Variants in NIPAL1 observed in about 807,000 individuals in gnomAD.
NIPAL1 encodes magnesium transporter NIPA3.
A neutral mutation model predicts 37.7 loss-of-function variants in NIPAL1; 35 were observed. The ratio of observed to expected loss-of-function variants is 0.93; its 90% CI spans 0.71 to 1.23. The LOEUF (loss-of-function observed/expected upper bound fraction) is 1.23, where lower values mean the gene tolerates loss of function less well. Ranked by LOEUF, NIPAL1 falls within the 50% of genes most tolerant of loss-of-function variation. The pLI is 0.00. For missense variants in NIPAL1, 412 were observed against 473.9 expected (o/e 0.87, Z 1.21); for synonymous variants, 162 against 183.0 (o/e 0.89, Z 0.93).
Position 48,027,727 on chromosome 4 carries a change from A to G in NIPAL1, c.313+2393A>G, listed in dbSNP as rs541190305. Among the ~76,000 whole-genome samples the G allele has an allele frequency of 2.0e-5, 3 of 152,362 alleles. No homozygotes were observed. The South Asian group carries it at 6.2e-4, about 32-fold the overall frequency. On this transcript the variant is annotated intron_variant, in intron 2 of 5. Coordinates refer to ENST00000295461, the MANE Select transcript of NIPAL1 (RefSeq NM_207330.3). This position sits in a 1 kb window ranked among gnomAD's most constrained non-coding sequence, Gnocchi z 4.1. ...TAATGACAAAGTCACAGATTAGAGT[A>G]GTAGGAAGATAACCTTTTGAATACC...
At chr4:48,032,257 A>G (rs1715838796) in intron 3 of NIPAL1, among the ~76,000 whole-genome samples, 1 of 152,198 alleles carries the variant, frequency 6.6e-6, no homozygotes, top group South Asian at 2.1e-4. Flanking sequence ...GAAATACTAC[A>G]TTCTGTGGGC....
At chr4:48,029,056 C>T (rs1715760815) in intron 2 of NIPAL1, among the ~76,000 whole-genome samples, 1 of 152,076 alleles carries the variant, frequency 6.6e-6, no homozygotes. Flanking sequence ...TGCAGCAGTC[C>T]CACTACTGGG....
Position 48,030,158 on chromosome 4 carries a change from TG to T in NIPAL1, c.355del (p.Val119Ter). On this transcript the variant is annotated frameshift_variant, in exon 3 of 6. Coordinates refer to ENST00000295461, the MANE Select transcript of NIPAL1 (RefSeq NM_207330.3). LOFTEE classifies it high-confidence loss of function. ...GHSYLKEWLW[W>X]VGLLSMGAGE... Reference sequence around the variant, plus strand: ...TTCTTACCTGAAGGAATGGCTCTGGTGGGTAGGATTGCTGTCAAGTAAGTTT... The same window carrying T: ...TTCTTACCTGAAGGAATGGCTCTGGTGGTAGGATTGCTGTCAAGTAAGTTT... 6.2e-7 allele frequency: 1 copy of T among 1,600,066 alleles called. No individual in the cohort carries two copies. The highest frequency in any genetic ancestry group is 1.3e-5 in the African/African-American group (1 of 74,760).
At chr4:48,022,796 C>T (rs1715599690) in intron 1 of NIPAL1, among the ~76,000 whole-genome samples, 1 of 151,224 alleles carries the variant, frequency 6.6e-6, no homozygotes, top group South Asian at 2.1e-4. Flanking sequence ...TCAGCCTGGC[C>T]AACGTAGTGA....
intron 1 of NIPAL1, among the ~76,000 whole-genome samples, chr4:48,020,920 A>G (rs1251058594): frequency 1.3e-5 from 2 of 152,230 alleles, no homozygotes; most frequent in Non-Finnish European, 2.9e-5. Flanking sequence ...TTTCTATTCC[A>G]TGTAATAAAC....
intron 2 of NIPAL1, among the ~76,000 whole-genome samples, chr4:48,025,882 T>C (rs1233545627): frequency 6.6e-6 from 1 of 152,170 alleles, no homozygotes; most frequent in Non-Finnish European, 1.5e-5. Flanking sequence ...CTGGAATATG[T>C]CTGGTTCTGT....
chr4:48,035,151 G>A (rs1316195907), intron 5 of NIPAL1, 110 bp downstream of exon 5: 4 of 935,098 alleles, frequency 4.3e-6, no homozygotes, highest in African/African-American at 3.4e-5. Flanking sequence ...GGGCCGCATT[G>A]TGGGTTGTGA....
rs2109376454 is a variant in NIPAL1, at chr4:48,040,161, T to C, written c.*3989T>C. 1 of 152,376 alleles carries C rather than the reference T, an allele frequency of 6.6e-6. No individual in the cohort carries two copies. The highest frequency in any genetic ancestry group is 3.4e-3 in the Middle Eastern group (1 of 294). 9.4% of individuals were successfully genotyped at this position (152,376 alleles called of 1,614,324 possible). A position where few individuals can be genotyped will look rare whatever the true frequency, so the allele number is the denominator to read the frequency against. ...TATATTTTTCATTTGCAATAAAATG[T>C]TATTTAATTATGCTTTTGAGTTCAG... On this transcript the variant is annotated 3_prime_UTR_variant, in exon 6 of 6. Coordinates refer to ENST00000295461, the MANE Select transcript of NIPAL1 (RefSeq NM_207330.3).
chr4:48,028,678 A>C (rs1286222850), intron 2 of NIPAL1, among the ~76,000 whole-genome samples: 1 of 152,226 alleles, frequency 6.6e-6, no homozygotes, highest in Non-Finnish European at 1.5e-5. Context: ...AGCATCTGAC[A>C]AAGGTCTAAT....
chr4:48,021,870 C>T (rs1715576579), intron 1 of NIPAL1, among the ~76,000 whole-genome samples: 1 of 142,562 alleles, frequency 7.0e-6, no homozygotes, highest in Non-Finnish European at 1.5e-5. Flanking sequence ...CTTAAACTGG[C>T]TGGTTGATAC....
chr4:48,023,140 G>A (rs1343688595), intron 1 of NIPAL1, among the ~76,000 whole-genome samples: 4 of 151,784 alleles, frequency 2.6e-5, no homozygotes, highest in Non-Finnish European at 5.9e-5. Flanking sequence ...GAACTCCGGG[G>A]CTCAAGCAAA....
At chr4:48,018,942 G>A (rs1488166042) in intron 1 of NIPAL1, among the ~76,000 whole-genome samples, 2 of 152,182 alleles carry the variant, frequency 1.3e-5, no homozygotes, top group Admixed American at 1.3e-4. Context: ...AATGACAAGG[G>A]GTCAGTCATG....
intron 3 of NIPAL1, 51 bp from the exon 4 acceptor site, chr4:48,032,941 CT>C (rs886096353): frequency 2.2e-5 from 28 of 1,289,628 alleles, no homozygotes; most frequent in Non-Finnish European, 3.0e-5. Context: ...TTGTTTTTCT[CT>C]TCTGACAAGT....
In NIPAL1 at chr4:48,027,018, A is replaced by C. The variant is rs950387048; in HGVS notation, c.313+1684A>C. ...CAGGTGTGAGCCACTGCGCCTGGCC[A>C]AAAAATGAAATAATTTAAAAAAAAA... On this transcript the variant is annotated intron_variant, in intron 2 of 5. Coordinates refer to ENST00000295461, the MANE Select transcript of NIPAL1 (RefSeq NM_207330.3). This position sits in a 1 kb window ranked among gnomAD's most constrained non-coding sequence, Gnocchi z 4.1. Among the ~76,000 whole-genome samples the C allele has an allele frequency of 6.6e-6, 1 of 152,006 alleles. No individual in the cohort carries two copies. Among genetic ancestry groups the C allele is most frequent in the Admixed American group, 6.6e-5 (1 of 15,250 alleles).
At chr4:48,017,002 T>G in intron 1 of NIPAL1, 117 bp downstream of exon 1, 1 of 806,886 alleles carries the variant, frequency 1.2e-6, no homozygotes, top group East Asian at 2.8e-5. Context: ...CTAAACGTAG[T>G]CGTTCACTCA....
intron 3 of NIPAL1, among the ~76,000 whole-genome samples, chr4:48,031,088 G>T (rs2109370705): frequency 6.6e-6 from 1 of 151,710 alleles, no homozygotes; most frequent in African/African-American, 2.4e-5. Context: ...TTTTTGAGAT[G>T]GAGTCCTGCT....
In NIPAL1 at chr4:48,032,988, T is replaced by A; in HGVS notation, c.371-5T>A. ...TTTATATCAATATCTCTGCTTGCTT[T>A]CTAGTGGGAGCAGGAGAGGCTGCAA... On this transcript the variant is annotated splice_region_variant and splice_polypyrimidine_tract_variant and intron_variant, in intron 3 of 5. Coordinates refer to ENST00000295461, the MANE Select transcript of NIPAL1 (RefSeq NM_207330.3). 1 of 1,608,850 alleles carries A rather than the reference T, an allele frequency of 6.2e-7. No homozygotes were observed. Among genetic ancestry groups the A allele is most frequent in the Admixed American group, 1.7e-5 (1 of 59,872 alleles).
At chr4:48,034,424 C>A (rs890473658) in intron 4 of NIPAL1, among the ~76,000 whole-genome samples, 1 of 152,046 alleles carries the variant, frequency 6.6e-6, no homozygotes. Flanking sequence ...AGATTGGATA[C>A]CCCTGGTCCG....
rs1716009310 is a variant in NIPAL1, at chr4:48,038,648, A to T, written c.*2476A>T. On this transcript the variant is annotated 3_prime_UTR_variant, in exon 6 of 6. Transcript: ENST00000295461. ...TGATAAAGTGGCATTTGAAAATTGC[A>T]GAAATTTTAATATTTTTTCTTTTAA... 6.6e-6 allele frequency: 1 copy of T among 152,222 alleles called. No individual in the cohort carries two copies. The highest frequency in any genetic ancestry group is 2.4e-5 in the African/African-American group (1 of 41,454). 9.4% of individuals were successfully genotyped at this position (152,222 alleles called of 1,614,324 possible). A position where few individuals can be genotyped will look rare whatever the true frequency, so the allele number is the denominator to read the frequency against.
Sources: gnomAD v4.1 joint callset for allele counts (sites outside exome capture counted in the v4.1 genomes callset) on GRCh38, gnomAD v4.1.1 for gene constraint, Gnocchi (gnomAD v3.1) non-coding constraint, MANE v1.5 for transcripts, NCBI Gene and HGNC (gene_info 2026-07-23, HGNC 2026-07-21) for gene names.